Variants in MUC5AC observed in about 807,000 individuals in gnomAD.
MUC5AC encodes mucin-5AC.
A neutral mutation model predicts 169.7 loss-of-function variants in MUC5AC; 158 were observed. The observed-to-expected ratio is 0.93, with a 90% CI of 0.82 to 1.06. MUC5AC has a LOEUF of 1.06. Among genes scored for constraint, MUC5AC ranks in the 50% least tolerant of loss-of-function variants. The pLI, the probability that MUC5AC is intolerant of heterozygous loss-of-function variation, is 0.00. For synonymous variants in MUC5AC, 1,975 were observed against 1,237.0 expected, an observed-to-expected ratio of 1.60 and a Z score of -12.52; for missense variants, 4,359 against 3,089.9, an observed-to-expected ratio of 1.41 and a Z score of -9.74.
At position 1,196,733 on chromosome 11, in the gene MUC5AC, G is replaced by A; in HGVS notation, c.15829+13G>A. 1.3e-6 allele frequency: 1 copy of A among 746,912 alleles called. No individual in the cohort carries two copies. Among genetic ancestry groups the A allele is most frequent in the Non-Finnish European group, 2.4e-6 (1 of 409,532 alleles). 46.3% of individuals were successfully genotyped at this position (746,912 alleles called of 1,614,324 possible). On this transcript the variant is annotated intron_variant, in intron 39 of 48. Transcript: ENST00000621226. Reference sequence around the variant, plus strand: ...ACGGGCTGCCCCAGTACGTGCCCCAGGCCGGGGCTGGGGGGTGTGGCAGGA... The same window carrying A: ...ACGGGCTGCCCCAGTACGTGCCCCAAGCCGGGGCTGGGGGGTGTGGCAGGA...
Position 1,178,580 on chromosome 11 carries a change from TG to T in MUC5AC, c.3226del (p.Ala1076ArgfsTer45). ...WKLSPSCPDA[L>X]APKDPCTANP... ...CTCTCCCCCTCCTGCCCAGATGCCCTGGCGCCCAAGGACCCCTGCACGGCCA... is the reference window on the plus strand; with the variant it reads ...CTCTCCCCCTCCTGCCCAGATGCCCTGCGCCCAAGGACCCCTGCACGGCCA... On this transcript the variant is annotated frameshift_variant, in exon 25 of 49. Coordinates refer to ENST00000621226, the MANE Select transcript of MUC5AC (RefSeq NM_001304359.2). LOFTEE classifies it high-confidence loss of function. The T allele has an allele frequency of 7.1e-7, 1 of 1,411,236 alleles. No homozygotes were observed. The highest frequency in any genetic ancestry group is 9.4e-7 in the Non-Finnish European group (1 of 1,068,008). 87.4% of individuals were successfully genotyped at this position (1,411,236 alleles called of 1,614,324 possible).
rs1295090599 is a variant in MUC5AC, at chr11:1,184,329, A to G, written c.6184A>G (p.Thr2062Ala). The change falls in exon 31 of 49, where the codon ACG (threonine) becomes GCG (alanine). Residue 2062 changes from threonine (T) to alanine (A), a missense_variant. Transcript: ENST00000621226. ...DITRPPKTVATTRPTPHPTGA... is the reference protein window; with the variant it reads ...DITRPPKTVAATRPTPHPTGA... The stretch of plus-strand genomic sequence containing the variant: ...CACCAGACCGCCAAAGACCGTCGCA[A>G]CGACACGGCCGACTCCACATCCAAC... 70 of 474,212 alleles carry G rather than the reference A, an allele frequency of 1.5e-4. No homozygotes were observed. In the Middle Eastern group the frequency reaches 3.0e-3, roughly 20 times the overall value. 29.4% of individuals were successfully genotyped at this position (474,212 alleles called of 1,614,324 possible).
At chr11:1,169,118 C>T (rs76973651) in intron 15 of MUC5AC, 92 bp downstream of exon 15, 68,759 of 1,429,472 alleles carry the variant, frequency 0.048, 3,593 homozygotes, top group East Asian at 0.22. Context: ...GCCGGCCCTG[C>T]GTGTGCCTGT....
At chr11:1,180,279 G>T in intron 27 of MUC5AC, 75 bp from the exon 28 acceptor site, 1 of 398,654 alleles carries the variant, frequency 2.5e-6, no homozygotes, top group Non-Finnish European at 4.4e-6. Flanking sequence ...CGCTGCTTGG[G>T]GGCTGGGCGG....
At chr11:1,158,168 C>G in intron 1 of MUC5AC, 96 bp downstream of exon 1, 1 of 1,128,836 alleles carries the variant, frequency 8.9e-7, no homozygotes, top group Non-Finnish European at 1.3e-6. Flanking sequence ...TCCGGGCAGG[C>G]TGCATGTGCC....
chr11:1,161,919 C>A lies in MUC5AC; in HGVS notation c.224C>A (p.Ala75Glu). 1 of 1,611,550 alleles carries A rather than the reference C, an allele frequency of 6.2e-7. No individual in the cohort carries two copies. Among genetic ancestry groups the A allele is most frequent in the Non-Finnish European group, 8.5e-7 (1 of 1,179,446 alleles). Residue 75 changes from alanine (A) to glutamate (E), a missense_variant, in exon 4 of 49, where the codon GCG becomes GAG. Physicochemically the swap from Ala to Glu is moderately radical, Grantham distance 107. Coordinates refer to ENST00000621226, the MANE Select transcript of MUC5AC (RefSeq NM_001304359.2). ...GCTTCCACCGCAGCCTCCAACCCGG[C>A]GCACAACGGGCGGGTGTGCAGCACC... Reference protein sequence around the residue: ...TIPVVRASNPAHNGRVCSTWG... With the variant: ...TIPVVRASNPEHNGRVCSTWG...
chr11:1,164,360 G>A (rs1457551933), intron 8 of MUC5AC, 41 bp downstream of exon 8: 18 of 1,611,606 alleles, frequency 1.1e-5, no homozygotes, highest in African/African-American at 5.3e-5. Context: ...CCTTTGGCAG[G>A]GAGGGCAGGG....
In MUC5AC at chr11:1,174,436, TG is replaced by T. The variant is rs2133740990; in HGVS notation, c.1966-54del. 7 of 1,076,622 alleles carry T rather than the reference TG, an allele frequency of 6.5e-6. No individual in the cohort carries two copies. The East Asian group carries it at 1.1e-4, about 17-fold the overall frequency. The allele number at this position is 1,076,622 out of a possible 1,614,324, so 66.7% of individuals were successfully genotyped here. On this transcript the variant is annotated intron_variant, in intron 16 of 48. Coordinates refer to ENST00000621226, the MANE Select transcript of MUC5AC (RefSeq NM_001304359.2). ...TGCTGGATGTGTGGCCTGCAGGGCG[TG>T]GGGGGCCACCAGGTGTGGGCTGGGG...
chr11:1,171,229 CCCAT>C (rs1860513343), intron 15 of MUC5AC, among the ~76,000 whole-genome samples: 1 of 145,208 alleles, frequency 6.9e-6, no homozygotes, highest in African/African-American at 2.6e-5. Flanking sequence ...CACCCACTCA[CCCAT>C]TCACTCATTC....
chr11:1,176,474 G>A (rs1860692515), intron 20 of MUC5AC, 40 bp from the exon 21 acceptor site: 1 of 398,904 alleles, frequency 2.5e-6, no homozygotes, highest in Non-Finnish European at 4.4e-6. Flanking sequence ...CAGGCCCCGT[G>A]CCCTGCCCCA....
chr11:1,179,166 C>T lies in MUC5AC; in HGVS notation c.3402C>T (p.Cys1134=). The change falls in exon 26 of 49, where the codon TGC becomes TGT. Residue 1134 remains cysteine (C), a synonymous_variant. Coordinates refer to ENST00000621226, the MANE Select transcript of MUC5AC (RefSeq NM_001304359.2). ...CACDSGGDCE[C]FCTAVAAYAQ... is the part of the protein sequence containing the mutation. ...GCGACTCCGGGGGTGACTGCGAGTG[C>T]TTCTGCACGGCTGTGGCCGCCTACG... The T allele has an allele frequency of 1.5e-6, 1 of 681,916 alleles. No homozygotes were observed. Among genetic ancestry groups the T allele is most frequent in the South Asian group, 1.5e-5 (1 of 64,574 alleles). The allele number at this position is 681,916 out of a possible 1,614,324, so 42.2% of individuals were successfully genotyped here.
Position 1,187,816 on chromosome 11 carries a change from T to C in MUC5AC, c.9671T>C (p.Leu3224Pro), listed in dbSNP as rs1554928355. 120,401 of 764,710 alleles carry C rather than the reference T, an allele frequency of 0.16. 11,252 individuals are homozygous for C. The highest frequency in any genetic ancestry group is 0.19 in the Non-Finnish European group (81,061 of 417,734). 47.4% of individuals were successfully genotyped at this position (764,710 alleles called of 1,614,324 possible). The stretch of plus-strand genomic sequence containing the variant: ...CAACCAGTCACCAGAGACTGTCATC[T>C]CCGGTGCACCTGGACCAAGTGGTTT... The part of the protein sequence containing the change: ...HSQPVTRDCH[L>P]RCTWTKWFDI... The change falls in exon 31 of 49, where the codon CTC becomes CCC. Residue 3224 changes from leucine to proline, a missense_variant. Leu to Pro is a moderately conservative substitution (Grantham distance 98). Transcript: ENST00000621226.
rs1860704785 is a variant in MUC5AC at position 1,177,073 on chromosome 11, C to T, written c.2793+7C>T. The T allele has an allele frequency of 5.0e-6, 2 of 398,548 alleles. No homozygotes were observed. The highest frequency in any genetic ancestry group is 8.8e-6 in the Non-Finnish European group (2 of 226,094). The allele number at this position is 398,548 out of a possible 1,614,324, so 24.7% of individuals were successfully genotyped here. ...CGAGTACACGCTGGTGCAGGTGAGC[C>T]GGCGCGTTTGGGGTCCTCACGGCGG... On this transcript the variant is annotated splice_region_variant and intron_variant, in intron 22 of 48. Transcript: ENST00000621226.
intron 45 of MUC5AC, 35 bp from the exon 46 acceptor site, chr11:1,199,336 A>AGG (rs1564921676): frequency 1.4e-6 from 1 of 703,048 alleles, no homozygotes; most frequent in Non-Finnish European, 2.6e-6. Flanking sequence ...AGACGGAGGG[A>AGG]GGGTCACTCA....
chr11:1,175,361 A>C (rs1475002283), intron 19 of MUC5AC, 91 bp downstream of exon 19: 1 of 398,288 alleles, frequency 2.5e-6, no homozygotes, highest in African/African-American at 2.1e-5. Flanking sequence ...CCCCACCACA[A>C]GTCAGCGGGG....
Position 1,195,879 on chromosome 11 carries a change from C to T in MUC5AC, c.15462C>T (p.Val5154=), listed in dbSNP as rs963642497. The part of the protein sequence containing the change: ...SPICQLILSK[V]FEPCHTVIPP... ...ACCCTGCCCATCCCTCCCACAGGGTCTTTGAGCCGTGCCACACTGTGATCC... is the reference window on the plus strand; with the variant it reads ...ACCCTGCCCATCCCTCCCACAGGGTTTTTGAGCCGTGCCACACTGTGATCC... Residue 5154 remains valine, a synonymous_variant, in exon 37 of 49, where the codon GTC becomes GTT. Transcript: ENST00000621226. 4.1e-5 allele frequency: 29 copies of T among 708,936 alleles called. No individual in the cohort carries two copies. The highest frequency in any genetic ancestry group is 7.5e-5 in the Non-Finnish European group (29 of 385,298). 43.9% of individuals were successfully genotyped at this position (708,936 alleles called of 1,614,324 possible). A position where few individuals can be genotyped will look rare whatever the true frequency, so the allele number is the denominator to read the frequency against.
intron 19 of MUC5AC, among the ~76,000 whole-genome samples, 159 bp from the exon 20 acceptor site, chr11:1,175,992 A>G (rs1167920950): frequency 6.6e-6 from 1 of 150,610 alleles, no homozygotes; most frequent in African/African-American, 2.5e-5. Flanking sequence ...ACTCATGGAC[A>G]CGCTCACACA....
chr11:1,194,761 G>T, intron 35 of MUC5AC, 91 bp downstream of exon 35: 1 of 645,700 alleles, frequency 1.5e-6, no homozygotes, highest in Non-Finnish European at 2.8e-6. Flanking sequence ...GCGTGTGCCG[G>T]TGTCTCTGCT....
At chr11:1,160,229 C>T (rs1216315467) in intron 1 of MUC5AC, among the ~76,000 whole-genome samples, 1 of 152,136 alleles carries the variant, frequency 6.6e-6, no homozygotes, top group Non-Finnish European at 1.5e-5. Context: ...ATGCCTTTGA[C>T]TGCTCCAGCC....
Sources: allele counts gnomAD v4.1 joint callset (sites outside exome capture counted in the v4.1 genomes callset), GRCh38; gene constraint gnomAD v4.1.1; transcripts MANE v1.5; gene names NCBI Gene and HGNC (gene_info 2026-07-23, HGNC 2026-07-21).